FBXO48: variants seen among roughly 807,000 people sequenced by gnomAD.
The protein encoded by FBXO48 is F-box protein 48.
FBXO48 carries 12 observed loss-of-function variants against 14.3 expected under a neutral mutation model. The observed-to-expected ratio is 0.84, with a 90% CI of 0.54 to 1.36. FBXO48 has a LOEUF of 1.36. Ranked by LOEUF, FBXO48 falls within the 40% of genes most tolerant of loss-of-function variation. The probability of loss-of-function intolerance (pLI) is 0.00; values close to 1 mark genes in which losing one functional copy is unlikely to be tolerated. For missense variants in FBXO48, 177 were observed against 179.1 expected (o/e 0.99, Z 0.07); for synonymous variants, 53 against 61.7 (o/e 0.86, Z 0.66).
At position 68,461,807 on chromosome 2, in the gene FBXO48, C is replaced by CT. The variant is rs1675272112; in HGVS notation, c.*2401dup. On this transcript the variant is annotated 3_prime_UTR_variant, in exon 4 of 4. Coordinates refer to ENST00000377957, the MANE Select transcript of FBXO48 (RefSeq NM_001024680.3). ...GTGGCTCATGCCTATAATCCCAGCA[C>CT]TTTAGGAGGCTGAGGCAGGTAGATC... is the stretch of plus-strand genomic sequence containing the variant. The CT allele has an allele frequency of 1.3e-5, 2 of 150,576 alleles. No homozygotes were observed. Among genetic ancestry groups the CT allele is most frequent in the African/African-American group, 4.9e-5 (2 of 40,964 alleles). The allele number at this position is 150,576 out of a possible 1,614,324, so 9.3% of individuals were successfully genotyped here.
chr2:68,465,829 A>G (rs1402632448), intron 2 of FBXO48, among the ~76,000 whole-genome samples: 1 of 152,228 alleles, frequency 6.6e-6, no homozygotes, highest in African/African-American at 2.4e-5. Context: ...AGTTGTTTAT[A>G]TAAGAATTTT....
rs1175668448 is a variant in FBXO48, at chr2:68,460,244, C to T, written c.*3965G>A. The T allele has an allele frequency of 1.3e-5, 2 of 151,986 alleles. No homozygotes were observed. The highest frequency in any genetic ancestry group is 6.6e-5 in the Admixed American group (1 of 15,256). 9.4% of individuals were successfully genotyped at this position (151,986 alleles called of 1,614,324 possible). A position where few individuals can be genotyped will look rare whatever the true frequency, so the allele number is the denominator to read the frequency against. On this transcript the variant is annotated 3_prime_UTR_variant, in exon 4 of 4. Coordinates refer to ENST00000377957, the MANE Select transcript of FBXO48 (RefSeq NM_001024680.3). ...AAGGAAGGAACTGGAGGCAGGAACA[C>T]CAGTAAGAGGTTATTTTAGAAATCC...
At position 68,463,442 on chromosome 2, in the gene FBXO48, A is replaced by C. The variant is rs951658261; in HGVS notation, c.*767T>G. On this transcript the variant is annotated 3_prime_UTR_variant, in exon 4 of 4. Coordinates refer to ENST00000377957, the MANE Select transcript of FBXO48 (RefSeq NM_001024680.3). ...ATATGGAGAAAACAAAAAGGAGCTGAAAGTCCTTTGTCTTGCTATCTAAGA... is the reference window on the plus strand; with the variant it reads ...ATATGGAGAAAACAAAAAGGAGCTGCAAGTCCTTTGTCTTGCTATCTAAGA... 1 of 152,000 alleles carries C rather than the reference A, an allele frequency of 6.6e-6. No homozygotes were observed. The highest frequency in any genetic ancestry group is 1.9e-4 in the East Asian group (1 of 5,202). 9.4% of individuals were successfully genotyped at this position (152,000 alleles called of 1,614,324 possible). A position where few individuals can be genotyped will look rare whatever the true frequency, so the allele number is the denominator to read the frequency against.
chr2:68,464,763 A>G (rs1675355114), intron 3 of FBXO48, 77 bp downstream of exon 3: 5 of 1,066,056 alleles, frequency 4.7e-6, no homozygotes, highest in South Asian at 2.8e-5. Flanking sequence ...GACTCCTCCA[A>G]GCAGAAGTTA....
chr2:68,464,834 A>G lies in FBXO48; in HGVS notation c.306+6T>C. 2 of 1,603,136 alleles carry G rather than the reference A, an allele frequency of 1.2e-6. No homozygotes were observed. The highest frequency in any genetic ancestry group is 1.7e-6 in the Non-Finnish European group (2 of 1,173,722). On this transcript the variant is annotated splice_donor_region_variant and intron_variant, in intron 3 of 3. Coordinates refer to ENST00000377957, the MANE Select transcript of FBXO48 (RefSeq NM_001024680.3). ...CAACACTGCAGATCGCAAAGATTAA[A>G]CTTACCCTCCAGGAATAACCACTTT...
At position 68,464,356 on chromosome 2, in the gene FBXO48, C is replaced by T. The variant is rs757868369; in HGVS notation, c.321G>A (p.Arg107=). ...SGYSWRVILL[R]NYQKSKVKHE... is the part of the protein sequence containing the mutation. ...GTTTCACTTTACTCTTCTGGTAATT[C>T]CTCAGCAGTATCACCTGAAAGAGGT... Residue 107 remains arginine, a synonymous_variant, in exon 4 of 4, where the codon AGG becomes AGA. Transcript: ENST00000377957. 1.2e-6 allele frequency: 2 copies of T among 1,613,604 alleles called. No individual in the cohort carries two copies. The highest frequency in any genetic ancestry group is 2.7e-5 in the African/African-American group (2 of 74,990).
chr2:68,464,962 A>G lies in FBXO48; in HGVS notation c.184T>C (p.Cys62Arg). The G allele has an allele frequency of 6.2e-7, 1 of 1,613,956 alleles. No individual in the cohort carries two copies. The highest frequency in any genetic ancestry group is 1.3e-5 in the African/African-American group (1 of 75,030). ...IRSLCRASLT[C>R]RSWNDTIRNS... is the part of the protein sequence containing the mutation. Reference sequence around the variant, plus strand: ...CTTATTGTGTCATTCCAGCTCCTGCATGTCAATGAAGCCCTGCACAGACTC... The same window carrying G: ...CTTATTGTGTCATTCCAGCTCCTGCGTGTCAATGAAGCCCTGCACAGACTC... Residue 62 changes from cysteine (C) to arginine (R), a missense_variant, in exon 3 of 4, where the codon TGC (cysteine) becomes CGC (arginine). Physicochemically the swap from Cys to Arg is radical, Grantham distance 180 (BLOSUM62 -3). Transcript: ENST00000377957.
Position 68,465,116 on chromosome 2 carries a change from A to G in FBXO48, c.30T>C (p.Asn10=). 1 of 1,610,184 alleles carries G rather than the reference A, an allele frequency of 6.2e-7. No homozygotes were observed. The highest frequency in any genetic ancestry group is 8.5e-7 in the Non-Finnish European group (1 of 1,178,034). Reference sequence around the variant, plus strand: ...TCGCTTCTGTGTGAGAAACTCTTAAATTATTGTTTCTCTTGGAGTTTTTAT... The same window carrying G: ...TCGCTTCTGTGTGAGAAACTCTTAAGTTATTGTTTCTCTTGGAGTTTTTAT... MHKNSKRNN[N]LRVSHTEANS... Residue 10 remains asparagine (N), a synonymous_variant, in exon 3 of 4, where the codon AAT becomes AAC. Transcript: ENST00000377957.
rs1365138791 is a variant in FBXO48, at chr2:68,464,932, TGTTTC to T, written c.209_213del (p.Arg70LysfsTer2). ...CAGTGAGGTTTCCATAAAGAGTCACTGTTTCTTATTGTGTCATTCCAGCTCCTGCA... is the reference window on the plus strand; with the variant it reads ...CAGTGAGGTTTCCATAAAGAGTCACTTTATTGTGTCATTCCAGCTCCTGCA... On this transcript the variant is annotated frameshift_variant, in exon 3 of 4. Transcript: ENST00000377957. LOFTEE classifies it high-confidence loss of function. 1 of 1,614,016 alleles carries T rather than the reference TGTTTC, an allele frequency of 6.2e-7. No individual in the cohort carries two copies. The highest frequency in any genetic ancestry group is 1.7e-5 in the Admixed American group (1 of 60,026).
chr2:68,465,093 G>A lies in FBXO48; in HGVS notation c.53C>T (p.Ala18Val), dbSNP rs983318174. The A allele has an allele frequency of 1.1e-5, 18 of 1,612,180 alleles. No individual in the cohort carries two copies. The African/African-American group carries it at 1.3e-4, about 12-fold the overall frequency. Residue 18 changes from alanine (A) to valine (V), a missense_variant, in exon 3 of 4, where the codon GCG (alanine) becomes GTG (valine). Physicochemically the swap from Ala to Val is moderately conservative, Grantham distance 64. Coordinates refer to ENST00000377957, the MANE Select transcript of FBXO48 (RefSeq NM_001024680.3). ...NNNLRVSHTEANSVDAEKEKN... is the reference protein window; with the variant it reads ...NNNLRVSHTEVNSVDAEKEKN... ...TTCCTTCTCAGCATCCACAGAGTTCGCTTCTGTGTGAGAAACTCTTAAATT... is the reference window on the plus strand; with the variant it reads ...TTCCTTCTCAGCATCCACAGAGTTCACTTCTGTGTGAGAAACTCTTAAATT...
Position 68,461,397 on chromosome 2 carries a change from C to T in FBXO48, c.*2812G>A, listed in dbSNP as rs909489737. 8 of 148,446 alleles carry T rather than the reference C, an allele frequency of 5.4e-5. No homozygotes were observed. The South Asian group carries it at 8.5e-4, about 16-fold the overall frequency. The allele number at this position is 148,446 out of a possible 1,614,324, so 9.2% of individuals were successfully genotyped here. ...CTGCAAGCTCCGCCTCCCGGGTTCACGCCATTCTCCTGCCTCAGCCTCCCG... is the reference window on the plus strand; with the variant it reads ...CTGCAAGCTCCGCCTCCCGGGTTCATGCCATTCTCCTGCCTCAGCCTCCCG... On this transcript the variant is annotated 3_prime_UTR_variant, in exon 4 of 4. Transcript: ENST00000377957.
At chr2:68,466,900 C>T (rs1273312743) in intron 1 of FBXO48, among the ~76,000 whole-genome samples, 1 of 152,196 alleles carries the variant, frequency 6.6e-6, no homozygotes, top group Non-Finnish European at 1.5e-5. Context: ...AGCTCGTCCC[C>T]CTTTCAACTA....
In FBXO48 at chr2:68,459,593, ATCT is replaced by A. The variant is rs550188094; in HGVS notation, c.*4613_*4615del. 2.0e-4 allele frequency: 30 copies of A among 152,290 alleles called. No homozygotes were observed. Among genetic ancestry groups the A allele is most frequent in the African/African-American group, 7.2e-4 (30 of 41,550 alleles). The allele number at this position is 152,290 out of a possible 1,614,324, so 9.4% of individuals were successfully genotyped here. On this transcript the variant is annotated 3_prime_UTR_variant, in exon 4 of 4. Coordinates refer to ENST00000377957, the MANE Select transcript of FBXO48 (RefSeq NM_001024680.3). ...GGATTGTATACTGCATTTTGATACA[ATCT>A]TCTTCACTAACAATATAGTAAATTA...
rs1449859437 is a variant in FBXO48 at position 68,463,664 on chromosome 2, C to T, written c.*545G>A. 6.6e-6 allele frequency: 1 copy of T among 152,206 alleles called. No individual in the cohort carries two copies. Among genetic ancestry groups the T allele is most frequent in the Non-Finnish European group, 1.5e-5 (1 of 68,068 alleles). 9.4% of individuals were successfully genotyped at this position (152,206 alleles called of 1,614,324 possible). ...GAGATGACATTAACTTAAAACTAAA[C>T]CACAGGCTTAACACATTAAAAATAG... On this transcript the variant is annotated 3_prime_UTR_variant, in exon 4 of 4. Transcript: ENST00000377957.
At position 68,465,117 on chromosome 2, in the gene FBXO48, T is replaced by C. The variant is rs1446536837; in HGVS notation, c.29A>G (p.Asn10Ser). 1 of 1,610,246 alleles carries C rather than the reference T, an allele frequency of 6.2e-7. No individual in the cohort carries two copies. Among genetic ancestry groups the C allele is most frequent in the South Asian group, 1.1e-5 (1 of 90,942 alleles). Reference sequence around the variant, plus strand: ...CGCTTCTGTGTGAGAAACTCTTAAATTATTGTTTCTCTTGGAGTTTTTATG... The same window carrying C: ...CGCTTCTGTGTGAGAAACTCTTAAACTATTGTTTCTCTTGGAGTTTTTATG... The part of the protein sequence containing the change: MHKNSKRNN[N>S]LRVSHTEANS... Residue 10 changes from asparagine (N) to serine (S), a missense_variant, in exon 3 of 4, where the codon AAT (asparagine) becomes AGT (serine). Physicochemically the swap from Asn to Ser is conservative, Grantham distance 46. Transcript: ENST00000377957.
rs1558519479 is a variant in FBXO48 at position 68,461,281 on chromosome 2, C to CTTTGTGTGGCAGGGAACAGTTTCATCA, written c.*2927_*2928insTGATGAAACTGTTCCCTGCCACACAAA. 7.3e-6 allele frequency: 1 copy of CTTTGTGTGGCAGGGAACAGTTTCATCA among 137,822 alleles called. No homozygotes were observed. Among genetic ancestry groups the CTTTGTGTGGCAGGGAACAGTTTCATCA allele is most frequent in the African/African-American group, 3.1e-5 (1 of 31,976 alleles). The allele number at this position is 137,822 out of a possible 1,614,324, so 8.5% of individuals were successfully genotyped here. A position where few individuals can be genotyped will look rare whatever the true frequency, so the allele number is the denominator to read the frequency against. ...CATTCTCTTACTTAAGATCCGTTTT[C>CTTTGTGTGGCAGGGAACAGTTTCATCA]GTTTTCTTTTTTTTTTTTTTTTTTT... is the stretch of plus-strand genomic sequence containing the variant. On this transcript the variant is annotated 3_prime_UTR_variant, in exon 4 of 4. Coordinates refer to ENST00000377957, the MANE Select transcript of FBXO48 (RefSeq NM_001024680.3).
chr2:68,464,730 T>C lies in FBXO48; in HGVS notation c.306+110A>G, dbSNP rs1047423313. 20 of 782,306 alleles carry C rather than the reference T, an allele frequency of 2.6e-5. No individual in the cohort carries two copies. In the African/African-American group the frequency reaches 3.3e-4, roughly 13 times the overall value. 48.5% of individuals were successfully genotyped at this position (782,306 alleles called of 1,614,324 possible). A position where few individuals can be genotyped will look rare whatever the true frequency, so the allele number is the denominator to read the frequency against. On this transcript the variant is annotated intron_variant, in intron 3 of 3. Transcript: ENST00000377957. ...TTTCCAAGAGTCAACACACTGTCTGTGTTATTCTGCATATGTAATTCTGAC... is the reference window on the plus strand; with the variant it reads ...TTTCCAAGAGTCAACACACTGTCTGCGTTATTCTGCATATGTAATTCTGAC...
intron 1 of FBXO48, 134 bp downstream of exon 1, chr2:68,467,077 A>C (rs1214171212): frequency 6.6e-6 from 1 of 152,212 alleles, no homozygotes; most frequent in Non-Finnish European, 1.5e-5. Context: ...GGGCACTGAC[A>C]AGTGACAACA....
At chr2:68,465,956 A>T (rs924086315) in intron 2 of FBXO48, among the ~76,000 whole-genome samples, 188 bp downstream of exon 2, 2 of 152,250 alleles carry the variant, frequency 1.3e-5, no homozygotes, top group Non-Finnish European at 2.9e-5. Context: ...CAACTCAGTC[A>T]TAAGAGTAGT....
Sources: allele counts gnomAD v4.1 joint callset (sites outside exome capture counted in the v4.1 genomes callset), GRCh38; gene constraint gnomAD v4.1.1; transcripts MANE v1.5; gene names NCBI Gene and HGNC (gene_info 2026-07-23, HGNC 2026-07-21).